Variants in LAMB4 observed in about 807,000 individuals in gnomAD.
LAMB4 encodes the protein laminin subunit beta-4.
In LAMB4, 196 loss-of-function variants were observed where a neutral mutation model predicts 199.2. The observed-to-expected ratio is 0.98, with a 90% confidence interval of 0.88 to 1.11. The LOEUF (loss-of-function observed/expected upper bound fraction) is 1.11, where lower values mean the gene tolerates loss of function less well. Among genes scored for constraint, LAMB4 ranks in the 50% least tolerant of loss-of-function variants. The pLI is 0.00. For synonymous variants in LAMB4, 744 were observed against 770.6 expected (o/e 0.97, Z 0.57); for missense variants, 2,080 against 2,171.2 (o/e 0.96, Z 0.83).
intron 2 of LAMB4, among the ~76,000 whole-genome samples, chr7:108,117,564 A>G (rs1257829870): frequency 6.6e-6 from 1 of 152,178 alleles, no homozygotes; most frequent in Non-Finnish European, 1.5e-5. Flanking sequence ...TGTTACAGGA[A>G]AGGGGTCCCG....
At chr7:108,076,723 T>C (rs957995446) in intron 17 of LAMB4, among the ~76,000 whole-genome samples, 2 of 152,144 alleles carry the variant, frequency 1.3e-5, no homozygotes, top group African/African-American at 4.8e-5. Flanking sequence ...CATGAAAGTA[T>C]ACCTACCACA....
At chr7:108,044,211 C>A (rs1379847168) in intron 28 of LAMB4, 1 of 203,456 alleles carries the variant, frequency 4.9e-6, no homozygotes. Flanking sequence ...TTAATACCAA[C>A]AACTTTCCCA....
intron 14 of LAMB4, among the ~76,000 whole-genome samples, chr7:108,090,781 A>C (rs2037368285): frequency 6.6e-6 from 1 of 152,212 alleles, no homozygotes; most frequent in East Asian, 1.9e-4. Context: ...TCAATATTCA[A>C]GACCACGAAG....
chr7:108,094,660 T>C (rs2037530060), intron 12 of LAMB4, among the ~76,000 whole-genome samples: 1 of 152,040 alleles, frequency 6.6e-6, no homozygotes, highest in African/African-American at 2.4e-5. Context: ...AACTCCCCAA[T>C]TGCATCATGC....
At chr7:108,086,277 G>A (rs1204886841) in intron 14 of LAMB4, among the ~76,000 whole-genome samples, 2 of 152,002 alleles carry the variant, frequency 1.3e-5, no homozygotes, top group Non-Finnish European at 2.9e-5. Context: ...CTTGACCCTC[G>A]ACCCCATACC....
At chr7:108,122,724 G>C (rs947430164) in intron 2 of LAMB4, among the ~76,000 whole-genome samples, 3 of 152,154 alleles carry the variant, frequency 2.0e-5, no homozygotes, top group Non-Finnish European at 4.4e-5. Flanking sequence ...GGAGAATTTG[G>C]CCTTTTAGCT....
chr7:108,029,127 C>T lies in LAMB4; in HGVS notation c.5062G>A (p.Glu1688Lys). Residue 1688 changes from glutamate (E) to lysine (K), a missense_variant, in exon 33 of 34, where the codon GAG becomes AAG. Transcript: ENST00000388781. ...AGCTGTTTAACTTTTCCTAATGTCT[C>T]CTTTGTTAGTCCTGTAGTGCTTGTC... The part of the protein sequence containing the change: ...RKTSTTGLTK[E>K]TLGKVKQLKD... The T allele has an allele frequency of 6.2e-7, 1 of 1,614,020 alleles. No homozygotes were observed. The highest frequency in any genetic ancestry group is 8.5e-7 in the Non-Finnish European group (1 of 1,179,946).
chr7:108,092,775 A>T (rs989065838), intron 12 of LAMB4, among the ~76,000 whole-genome samples: 4 of 152,074 alleles, frequency 2.6e-5, no homozygotes, highest in South Asian at 2.1e-4. Context: ...GGTGTGGTGC[A>T]TGCCTGTAGT....
At chr7:108,102,417 A>G (rs2037845690) in intron 10 of LAMB4, among the ~76,000 whole-genome samples, 2 of 152,210 alleles carry the variant, frequency 1.3e-5, no homozygotes, top group South Asian at 4.1e-4. Context: ...TGATAATGCA[A>G]AATATATGAG....
rs897528759 is a variant in LAMB4 at position 108,055,727 on chromosome 7, G to C, written c.3660C>G (p.Leu1220=). The C allele has an allele frequency of 6.2e-7, 1 of 1,614,022 alleles. No homozygotes were observed. The highest frequency in any genetic ancestry group is 1.3e-5 in the African/African-American group (1 of 74,918). ...TTTCTATTTCAGACACGTTCCCTCT[G>C]AGGTCTTTGAAGTCTGCCTCACAGA... ...LPVCEADFKD[L]RGNVSEIERI... is the part of the protein sequence containing the mutation. The change falls in exon 25 of 34, where the codon CTC becomes CTG. Residue 1220 remains leucine, a synonymous_variant. Transcript: ENST00000388781.
intron 10 of LAMB4, among the ~76,000 whole-genome samples, chr7:108,102,285 G>A (rs563994250): frequency 1.7e-4 from 26 of 152,188 alleles, no homozygotes; most frequent in East Asian, 9.6e-4. Flanking sequence ...ATATAATGTC[G>A]AATGAAATAC....
chr7:108,039,944 T>C (rs2035363829), intron 29 of LAMB4, among the ~76,000 whole-genome samples: 1 of 152,162 alleles, frequency 6.6e-6, no homozygotes, highest in Non-Finnish European at 1.5e-5. Context: ...GAACAAAGCG[T>C]ATCCAAATAG....
At chr7:108,055,375 G>A (rs2035947638) in intron 25 of LAMB4, among the ~76,000 whole-genome samples, 1 of 151,952 alleles carries the variant, frequency 6.6e-6, no homozygotes, top group South Asian at 2.1e-4. Flanking sequence ...TTAGTAGAGA[G>A]GGGGTTTCTC....
rs1439731327 is a variant in LAMB4 at position 108,103,176 on chromosome 7, C to T, written c.1048G>A (p.Ala350Thr). 2.5e-6 allele frequency: 4 copies of T among 1,600,812 alleles called. No individual in the cohort carries two copies. The highest frequency in any genetic ancestry group is 1.7e-4 in the Middle Eastern group (1 of 6,034). Residue 350 changes from alanine to threonine, a missense_variant, in exon 10 of 34, where the codon GCA (alanine) becomes ACA (threonine). By Grantham distance (58) the Ala-to-Thr change is moderately conservative. Coordinates refer to ENST00000388781, the MANE Select transcript of LAMB4 (RefSeq NM_007356.3). Reference protein sequence around the residue: ...RCHFDMTTYLASGGLSGGVCE... With the variant: ...RCHFDMTTYLTSGGLSGGVCE... Reference sequence around the variant, plus strand: ...ACGCCCCCGCTGAGGCCACCGCTTGCCAGGTACGTAGTCATGTCAAAGTGA... The same window carrying T: ...ACGCCCCCGCTGAGGCCACCGCTTGTCAGGTACGTAGTCATGTCAAAGTGA...
chr7:108,031,636 A>C (rs1168023982), intron 31 of LAMB4, among the ~76,000 whole-genome samples: 2 of 152,108 alleles, frequency 1.3e-5, no homozygotes, highest in Non-Finnish European at 2.9e-5. Flanking sequence ...CACCTTATAC[A>C]AATATATTGT....
intron 29 of LAMB4, among the ~76,000 whole-genome samples, chr7:108,039,538 G>A (rs1197087864): frequency 1.0e-4 from 15 of 148,494 alleles, no homozygotes; most frequent in Admixed American, 8.9e-4. Context: ...GTGCGATCTC[G>A]GCTCACTGCA....
intron 9 of LAMB4, among the ~76,000 whole-genome samples, 165 bp downstream of exon 9, chr7:108,104,334 C>A (rs2037923507): frequency 6.6e-6 from 1 of 152,136 alleles, no homozygotes; most frequent in Non-Finnish European, 1.5e-5. Context: ...GTTGGCGATT[C>A]TTCTATGTGG....
At chr7:108,030,714 A>G in intron 32 of LAMB4, 92 bp downstream of exon 32, 2 of 1,191,354 alleles carry the variant, frequency 1.7e-6, no homozygotes, top group Non-Finnish European at 2.4e-6. Flanking sequence ...AAAGGAAATG[A>G]TGAGAAATGG....
intron 28 of LAMB4, among the ~76,000 whole-genome samples, chr7:108,044,553 G>GAA (rs1402261583): frequency 6.6e-6 from 1 of 152,156 alleles, no homozygotes; most frequent in African/African-American, 2.4e-5. Context: ...TAGAGAGAGA[G>GAA]AAAAAACCCA....
Sources: allele counts gnomAD v4.1 joint callset (sites outside exome capture counted in the v4.1 genomes callset), GRCh38; gene constraint gnomAD v4.1.1; transcripts MANE v1.5; gene names NCBI Gene and HGNC (gene_info 2026-07-23, HGNC 2026-07-21).